Variants in LRSAM1 observed in about 807,000 individuals in gnomAD.
The protein encoded by LRSAM1 is leucine rich repeat and sterile alpha motif containing 1.
In LRSAM1, 96 loss-of-function variants were observed where a neutral mutation model predicts 118.1. That is an observed-to-expected ratio of 0.81 (90% CI 0.69 to 0.96). The LOEUF (loss-of-function observed/expected upper bound fraction) is 0.96, where lower values mean the gene tolerates loss of function less well. Among genes scored for constraint, LRSAM1 ranks in the 40% least tolerant of loss-of-function variants. LRSAM1 has a pLI of 0.00. For synonymous variants in LRSAM1, 322 were observed against 364.2 expected (o/e 0.88, Z 1.32); for missense variants, 804 against 915.5 (o/e 0.88, Z 1.57).
At chr9:127,494,650 G>T (rs1240916554) in intron 21 of LRSAM1, among the ~76,000 whole-genome samples, 1 of 152,188 alleles carries the variant, frequency 6.6e-6, no homozygotes, top group Non-Finnish European at 1.5e-5. Flanking sequence ...CAGAATAAAA[G>T]AATCACATTC....
intron 14 of LRSAM1, among the ~76,000 whole-genome samples, chr9:127,480,502 T>C (rs974827345): frequency 3.9e-5 from 6 of 152,200 alleles, no homozygotes; most frequent in Non-Finnish European, 7.3e-5. Flanking sequence ...TCCAGCCATA[T>C]GCCCTGCCAC....
chr9:127,492,628 C>T (rs898169291), intron 20 of LRSAM1, among the ~76,000 whole-genome samples, 174 bp from the exon 21 acceptor site: 2 of 152,232 alleles, frequency 1.3e-5, no homozygotes, highest in African/African-American at 2.4e-5. Flanking sequence ...AAGAGAGATG[C>T]GGGCTTAGGG....
chr9:127,500,853 T>G (rs1435498850), intron 24 of LRSAM1, among the ~76,000 whole-genome samples, 157 bp from the exon 25 acceptor site: 1 of 151,782 alleles, frequency 6.6e-6, no homozygotes, highest in Non-Finnish European at 1.5e-5. Flanking sequence ...AAGAAGAGAG[T>G]GTGTGGCAAG....
Position 127,490,678 on chromosome 9 carries a change from T to G in LRSAM1, c.1423-537T>G, listed in dbSNP as rs549004409. ...ATAAAATGGAGGCAATAATACCTCC[T>G]AGCAGCCAGAGAATTGATGAAATAT... On this transcript the variant is annotated intron_variant, in intron 19 of 25. Coordinates refer to ENST00000300417, the MANE Select transcript of LRSAM1 (RefSeq NM_001005373.4). Among the ~76,000 whole-genome samples the G allele has an allele frequency of 2.6e-5, 4 of 152,240 alleles. No homozygotes were observed. In the East Asian group the frequency reaches 7.7e-4, roughly 29 times the overall value.
intron 21 of LRSAM1, among the ~76,000 whole-genome samples, chr9:127,494,544 C>T (rs1217067450): frequency 6.6e-6 from 1 of 152,270 alleles, no homozygotes; most frequent in Non-Finnish European, 1.5e-5. Context: ...AACATGTCAG[C>T]TACGCCTGTT....
intron 9 of LRSAM1, among the ~76,000 whole-genome samples, chr9:127,463,816 GCTTT>G (rs1222215954): frequency 6.6e-6 from 1 of 152,188 alleles, no homozygotes; most frequent in Non-Finnish European, 1.5e-5. Context: ...TTTATCTGGG[GCTTT>G]CTAAGACTGG....
intron 25 of LRSAM1, among the ~76,000 whole-genome samples, chr9:127,501,453 C>T (rs932420929): frequency 6.6e-6 from 1 of 152,132 alleles, no homozygotes; most frequent in African/African-American, 2.4e-5. Flanking sequence ...ATCTTTTGGC[C>T]AGGCATGGTG....
rs1489714998 is a variant in LRSAM1, at chr9:127,452,007, AGCCCTCCGAGTGATCGGCCT to A, written c.-103_-84del. ...GTCTGCGGCCCCGAGTCCGTGACCA[AGCCCTCCGAGTGATCGGCCT>A]GCCCTCGGGTGCACCCGCGGGTCCC... On this transcript the variant is annotated 5_prime_UTR_variant, in exon 2 of 26. Transcript: ENST00000300417. 6.6e-6 allele frequency: 1 copy of A among 152,234 alleles called. No individual in the cohort carries two copies. The highest frequency in any genetic ancestry group is 1.9e-4 in the East Asian group (1 of 5,178). 9.4% of individuals were successfully genotyped at this position (152,234 alleles called of 1,614,324 possible).
rs1588142959 is a variant in LRSAM1 at position 127,501,028 on chromosome 9, G to A, written c.1931G>A (p.Gly644Asp). Reference protein sequence around the residue: ...RIQPELKPPMGEVVTPTAPQE... With the variant: ...RIQPELKPPMDEVVTPTAPQE... ...CCCACAGAGCTGAAACCACCAATGG[G>A]TGAGGTCGTCACCCCTACGGCCCCC... Residue 644 changes from glycine (G) to aspartate (D), a missense_variant, in exon 25 of 26, where the codon GGT (glycine) becomes GAT (aspartate). Physicochemically the swap from Gly to Asp is moderately conservative, Grantham distance 94. Coordinates refer to ENST00000300417, the MANE Select transcript of LRSAM1 (RefSeq NM_001005373.4). 1 of 1,613,876 alleles carries A rather than the reference G, an allele frequency of 6.2e-7. No homozygotes were observed. Among genetic ancestry groups the A allele is most frequent in the Non-Finnish European group, 8.5e-7 (1 of 1,180,038 alleles).
At chr9:127,453,825 G>T (rs1453953514) in intron 2 of LRSAM1, 1 of 157,550 alleles carries the variant, frequency 6.3e-6, no homozygotes, top group Non-Finnish European at 1.4e-5. Flanking sequence ...GACACAGATG[G>T]AAGAACTAGA....
chr9:127,461,598 T>C (rs1337598689), intron 8 of LRSAM1, among the ~76,000 whole-genome samples: 2 of 152,200 alleles, frequency 1.3e-5, no homozygotes, highest in Non-Finnish European at 2.9e-5. Flanking sequence ...TTCTGAGCAG[T>C]GCTTCCACCT....
chr9:127,461,175 C>T lies in LRSAM1; in HGVS notation c.324C>T (p.Val108=), dbSNP rs1265218062. 1 of 1,609,988 alleles carries T rather than the reference C, an allele frequency of 6.2e-7. No homozygotes were observed. Among genetic ancestry groups the T allele is most frequent in the Non-Finnish European group, 8.5e-7 (1 of 1,177,256 alleles). ...DDLGQLTALQ[V]LNVERNQLMQ... is the part of the protein sequence containing the mutation. Reference sequence around the variant, plus strand: ...GGCTGCCTCTTCCTCTTTCTTAGGTCTTAAACGTGGAAAGGAATCAACTGA... The same window carrying T: ...GGCTGCCTCTTCCTCTTTCTTAGGTTTTAAACGTGGAAAGGAATCAACTGA... The change falls in exon 8 of 26, where the codon GTC becomes GTT. Residue 108 remains valine (V), a splice_region_variant and synonymous_variant. Coordinates refer to ENST00000300417, the MANE Select transcript of LRSAM1 (RefSeq NM_001005373.4).
chr9:127,488,481 C>T (rs576999801), intron 18 of LRSAM1, among the ~76,000 whole-genome samples: 2 of 152,114 alleles, frequency 1.3e-5, no homozygotes, highest in Non-Finnish European at 2.9e-5. Flanking sequence ...AGGCTGGTCT[C>T]GAACTCCTGA....
At chr9:127,459,948 A>G (rs1834671551) in intron 7 of LRSAM1, among the ~76,000 whole-genome samples, 1 of 152,110 alleles carries the variant, frequency 6.6e-6, no homozygotes. Flanking sequence ...TGGTTCATCA[A>G]ATATTCATCT....
intron 9 of LRSAM1, among the ~76,000 whole-genome samples, chr9:127,464,639 G>A (rs1834865580): frequency 6.6e-6 from 1 of 151,334 alleles, no homozygotes; most frequent in Non-Finnish European, 1.5e-5. Context: ...ATGAGTTCTG[G>A]ACACTTCAAT....
At chr9:127,466,506 T>TATATATATATATATATA (rs1331732184) in intron 9 of LRSAM1, among the ~76,000 whole-genome samples, 2 of 35,136 alleles carry the variant, frequency 5.7e-5, no homozygotes, top group Non-Finnish European at 9.7e-5. Flanking sequence ...ATATATATAT[T>TATATATATATATATATA]TTTTTTTTTT....
At chr9:127,498,509 C>T (rs2248725) in intron 24 of LRSAM1, among the ~76,000 whole-genome samples, 65,228 of 151,942 alleles carry the variant, frequency 0.43, 14,849 homozygotes, top group Non-Finnish European at 0.5. Context: ...GTCCTCAGGA[C>T]CGGCTGCTTC....
intron 23 of LRSAM1, 21 bp downstream of exon 23, chr9:127,496,116 T>C: frequency 6.2e-7 from 1 of 1,605,642 alleles, no homozygotes; most frequent in Non-Finnish European, 8.5e-7. Context: ...GCCGTCTGCA[T>C]GGAGGGGAGG....
chr9:127,499,270 G>A (rs537060702), intron 24 of LRSAM1, among the ~76,000 whole-genome samples: 52 of 152,120 alleles, frequency 3.4e-4, no homozygotes, highest in African/African-American at 1.3e-3. Flanking sequence ...GCTACTCGGG[G>A]GGCAAAGGTG....
Sources: allele counts gnomAD v4.1 joint callset (sites outside exome capture counted in the v4.1 genomes callset), GRCh38; gene constraint gnomAD v4.1.1; transcripts MANE v1.5; gene names NCBI Gene and HGNC (gene_info 2026-07-23, HGNC 2026-07-21).